The following ARHGAP26 variants were observed in gnomAD, a reference collection of about 807,000 sequenced individuals.
ARHGAP26 encodes the protein rho GTPase-activating protein 26.
In ARHGAP26, 38 loss-of-function variants were observed where a neutral mutation model predicts 104.8. The observed-to-expected ratio is 0.36, with a 90% CI of 0.28 to 0.48. ARHGAP26 has a LOEUF of 0.48. ARHGAP26 is among the 20% of genes least tolerant of loss of function. ARHGAP26 has a pLI of 0.99. For missense variants in ARHGAP26, 704 were observed against 947.9 expected (o/e 0.74, Z 3.38); for synonymous variants, 341 against 340.0 (o/e 1.00, Z -0.03).
intron 10 of ARHGAP26, among the ~76,000 whole-genome samples, chr5:142,930,959 T>G (rs564397698): frequency 6.6e-6 from 1 of 152,262 alleles, no homozygotes; most frequent in African/African-American, 2.4e-5. Context: ...AGGGTGTTGC[T>G]CAGCCTGTGT....
At position 142,820,933 on chromosome 5, in the gene ARHGAP26, C is replaced by A. The variant is rs139530030; in HGVS notation, c.154+50018C>A. On this transcript the variant is annotated intron_variant, in intron 1 of 22. Transcript: ENST00000645722. ...CAGCCAAGATGACTAGCCTTCTGTC[C>A]CTCCACCTCCGCTAGAAATCAAATT... Among the ~76,000 whole-genome samples, 865 of 152,216 alleles carry A rather than the reference C, an allele frequency of 5.7e-3. 11 individuals carry two copies. Among genetic ancestry groups the A allele is most frequent in the African/African-American group, 0.02 (825 of 41,524 alleles).
At chr5:143,017,299 A>G (rs1217828014) in intron 12 of ARHGAP26, among the ~76,000 whole-genome samples, 1 of 152,234 alleles carries the variant, frequency 6.6e-6, no homozygotes, top group Non-Finnish European at 1.5e-5. Context: ...AGTATAAGAC[A>G]GGGCCATAAG....
chr5:143,114,747 C>T (rs1037029265), intron 17 of ARHGAP26, among the ~76,000 whole-genome samples: 1 of 152,178 alleles, frequency 6.6e-6, no homozygotes, highest in Non-Finnish European at 1.5e-5. Flanking sequence ...GCCCCTAGTC[C>T]TAAGGTATTT....
chr5:142,837,915 T>C (rs942337689), intron 1 of ARHGAP26, among the ~76,000 whole-genome samples: 2 of 152,202 alleles, frequency 1.3e-5, no homozygotes, highest in African/African-American at 4.8e-5. Context: ...CTTTCATTTT[T>C]CCCTGCAGGG....
intron 1 of ARHGAP26, among the ~76,000 whole-genome samples, chr5:142,840,729 A>G (rs1043387754): frequency 1.3e-5 from 2 of 151,960 alleles, no homozygotes; most frequent in Admixed American, 1.3e-4. Context: ...TGGTGTGTGT[A>G]CTCCACCCAG....
intron 11 of ARHGAP26, among the ~76,000 whole-genome samples, chr5:142,951,050 T>C (rs958048811): frequency 1.3e-5 from 2 of 149,500 alleles, no homozygotes; most frequent in African/African-American, 4.9e-5. Context: ...TCCCTTCCCC[T>C]TCCCCTTCCC....
At chr5:143,071,834 G>T (rs185832685) in intron 17 of ARHGAP26, among the ~76,000 whole-genome samples, 1 of 152,290 alleles carries the variant, frequency 6.6e-6, no homozygotes, top group African/African-American at 2.4e-5. Context: ...GAACCAGGGA[G>T]GGGGAGGTTG....
intron 11 of ARHGAP26, among the ~76,000 whole-genome samples, chr5:142,972,217 G>C (rs1264691618): frequency 1.3e-5 from 2 of 151,402 alleles, no homozygotes; most frequent in Admixed American, 1.3e-4. Flanking sequence ...GAGGTTTCTT[G>C]ATGAGGAAGA....
At chr5:142,971,563 T>C (rs1333397528) in intron 11 of ARHGAP26, among the ~76,000 whole-genome samples, 1 of 152,150 alleles carries the variant, frequency 6.6e-6, no homozygotes, top group African/African-American at 2.4e-5. Context: ...CTGGTAGTGC[T>C]AGACTACTCT....
intron 14 of ARHGAP26, among the ~76,000 whole-genome samples, chr5:143,053,455 T>C (rs1318545670): frequency 6.6e-6 from 1 of 152,158 alleles, no homozygotes; most frequent in East Asian, 1.9e-4. Flanking sequence ...TCTGTGACCC[T>C]CCCACCAGTA....
intron 1 of ARHGAP26, among the ~76,000 whole-genome samples, chr5:142,869,383 A>T (rs1463612603): frequency 6.8e-6 from 1 of 147,688 alleles, no homozygotes; most frequent in Non-Finnish European, 1.5e-5. Flanking sequence ...ATTTTATTTT[A>T]TTTTTTTTTG....
chr5:142,948,532 A>G (rs1306569382), intron 11 of ARHGAP26, among the ~76,000 whole-genome samples: 1 of 152,000 alleles, frequency 6.6e-6, no homozygotes, highest in African/African-American at 2.4e-5. Flanking sequence ...CATGTTGTAA[A>G]AGCAAGTGTG....
In ARHGAP26 at chr5:143,214,074, C is replaced by A; in HGVS notation, c.2177C>A (p.Thr726Lys). The change falls in exon 22 of 23, where the codon ACG becomes AAG. Residue 726 changes from threonine to lysine, a missense_variant. Around this residue, in one of 6 missense-constraint regions of ARHGAP26, gnomAD observed 217 missense variants for 242.6 expected, o/e 0.89. Transcript: ENST00000645722. Reference sequence around the variant, plus strand: ...TCAGAACTTTCGTTCACAGCAGGCACGGTCTTCGATAACGGTGAGTTTCTC... The same window carrying A: ...TCAGAACTTTCGTTCACAGCAGGCAAGGTCTTCGATAACGGTGAGTTTCTC... ...HDSELSFTAG[T>K]VFDNVHPSQE... is the part of the protein sequence containing the mutation. The A allele has an allele frequency of 6.4e-7, 1 of 1,564,828 alleles. No individual in the cohort carries two copies. Among genetic ancestry groups the A allele is most frequent in the Non-Finnish European group, 8.7e-7 (1 of 1,150,172 alleles).
intron 11 of ARHGAP26, among the ~76,000 whole-genome samples, chr5:142,991,478 C>G (rs917662233): frequency 6.6e-6 from 1 of 152,128 alleles, no homozygotes; most frequent in African/African-American, 2.4e-5. Context: ...TCCAACAAGC[C>G]CCACTGAGAT....
At chr5:142,840,718 C>T (rs2152185808) in intron 1 of ARHGAP26, among the ~76,000 whole-genome samples, 1 of 152,252 alleles carries the variant, frequency 6.6e-6, no homozygotes, top group Middle Eastern at 3.4e-3. Context: ...CTCTGAGGTC[C>T]TGGTGTGTGT....
intron 14 of ARHGAP26, among the ~76,000 whole-genome samples, chr5:143,053,589 C>T (rs1261262291): frequency 1.3e-5 from 2 of 152,208 alleles, no homozygotes; most frequent in African/African-American, 2.4e-5. Flanking sequence ...TAAGAATTAT[C>T]TCTCCTGTTC....
At position 142,901,985 on chromosome 5, in the gene ARHGAP26, A is replaced by G. The variant is rs1164191037; in HGVS notation, c.648A>G (p.Glu216=). 6.2e-7 allele frequency: 1 copy of G among 1,613,948 alleles called. No individual in the cohort carries two copies. The highest frequency in any genetic ancestry group is 1.7e-5 in the Admixed American group (1 of 60,006). ...GLFTFYHHGY[E]LAKDFGDFKT... is the part of the protein sequence containing the mutation. Reference sequence around the variant, plus strand: ...TCACTTTCTATCACCATGGTTACGAACTGGCCAAGGATTTCGGGGACTTCA... The same window carrying G: ...TCACTTTCTATCACCATGGTTACGAGCTGGCCAAGGATTTCGGGGACTTCA... The change falls in exon 7 of 23, where the codon GAA becomes GAG. Residue 216 remains glutamate (E), a synonymous_variant. Coordinates refer to ENST00000645722, the MANE Select transcript of ARHGAP26 (RefSeq NM_001135608.3).
chr5:143,062,439 T>C (rs1288247156), intron 17 of ARHGAP26, among the ~76,000 whole-genome samples: 2 of 152,304 alleles, frequency 1.3e-5, no homozygotes, highest in East Asian at 3.9e-4. Context: ...GGGAAAATGC[T>C]TGGCATACAA....
intron 11 of ARHGAP26, among the ~76,000 whole-genome samples, chr5:142,939,079 G>A (rs548131403): frequency 1.2e-4 from 18 of 152,300 alleles, no homozygotes; most frequent in Admixed American, 1.0e-3. Flanking sequence ...TCCATTCATA[G>A]CTGTGGAGCA....
Sources: allele counts gnomAD v4.1 joint callset (sites outside exome capture counted in the v4.1 genomes callset), GRCh38; gene constraint gnomAD v4.1.1; regional missense constraint gnomAD v4.1.1; transcripts MANE v1.5; gene names NCBI Gene and HGNC (gene_info 2026-07-23, HGNC 2026-07-21).